The following RANBP2 variants were observed in gnomAD, a reference collection of about 807,000 sequenced individuals.
RANBP2 encodes E3 SUMO-protein ligase RanBP2.
In RANBP2, 57 loss-of-function variants were observed where a neutral mutation model predicts 303.6. The observed-to-expected ratio is 0.19, with a 90% confidence interval of 0.15 to 0.23. The LOEUF (loss-of-function observed/expected upper bound fraction) is 0.23. RANBP2 is among the 10% of genes least tolerant of loss of function. The pLI, the probability that RANBP2 is intolerant of heterozygous loss-of-function variation, is 1.00. For synonymous variants in RANBP2, 1,167 were observed against 1,301.5 expected (o/e 0.90, Z 2.23); for missense variants, 3,138 against 3,780.8 (o/e 0.83, Z 4.46).
the RANBP2 span, among the ~76,000 whole-genome samples, chr2:109,669,635 T>C: frequency 6.6e-6 from 1 of 152,334 alleles, no homozygotes; most frequent in East Asian, 1.9e-4. Flanking sequence ...TCAGGCAATG[T>C]TCCTACATTC....
At chr2:109,762,694 AACTT>A in the RANBP2 span, among the ~76,000 whole-genome samples, 7 of 98,464 alleles carry the variant, frequency 7.1e-5, no homozygotes, top group Admixed American at 4.1e-4. Context: ...AAAAAACAAA[AACTT>A]ACACGTTTTT....
the RANBP2 span, among the ~76,000 whole-genome samples, chr2:109,053,435 T>C: frequency 6.6e-6 from 1 of 152,174 alleles, no homozygotes; most frequent in South Asian, 2.1e-4. Context: ...CAGTCCCCCA[T>C]AGAAACAGAA....
the RANBP2 span, chr2:108,931,022 C>G: frequency 6.2e-7 from 1 of 1,614,048 alleles, no homozygotes; most frequent in South Asian, 1.1e-5. Context: ...CATCCTCTCC[C>G]AAGGGCTCAC....
the RANBP2 span, among the ~76,000 whole-genome samples, chr2:109,647,757 A>G: frequency 2.5e-4 from 38 of 152,090 alleles, no homozygotes; most frequent in Non-Finnish European, 5.4e-4. Flanking sequence ...GGCATGAGCC[A>G]CCCCGCCCGG....
At chr2:109,614,494 A>T in the RANBP2 span, 1 of 1,239,310 alleles carries the variant, frequency 8.1e-7, no homozygotes, top group Non-Finnish European at 1.0e-6. Flanking sequence ...TCGAGGATGG[A>T]GGGGCCGGCA....
chr2:108,722,212 ATT>A (rs1455598761), intron 1 of RANBP2, among the ~76,000 whole-genome samples: 1 of 152,172 alleles, frequency 6.6e-6, no homozygotes, highest in Non-Finnish European at 1.5e-5. Context: ...TGGTGGCAGA[ATT>A]TTGAGGATTG....
the RANBP2 span, among the ~76,000 whole-genome samples, chr2:109,436,285 C>G: frequency 1.3e-5 from 2 of 152,326 alleles, no homozygotes; most frequent in East Asian, 1.9e-4. Flanking sequence ...TGCAAATACA[C>G]AGAGGGAAAG....
the RANBP2 span, among the ~76,000 whole-genome samples, chr2:108,879,192 G>A: frequency 7.9e-5 from 12 of 152,166 alleles, no homozygotes; most frequent in African/African-American, 2.9e-4. Flanking sequence ...GACTGGTCTT[G>A]AACTCCTGAG....
At chr2:109,726,058 G>GGTGTGTGTGTGTGTGTGTGT in the RANBP2 span, among the ~76,000 whole-genome samples, 3 of 137,030 alleles carry the variant, frequency 2.2e-5, no homozygotes, top group East Asian at 2.3e-4. Flanking sequence ...TTTTGCTTTT[G>GGTGTGTGTGTGTGTGTGTGT]GTGTGTGTGT....
At chr2:109,099,453 GCT>G in the RANBP2 span, among the ~76,000 whole-genome samples, 143 of 152,242 alleles carry the variant, frequency 9.4e-4, no homozygotes, top group African/African-American at 3.3e-3. Context: ...TCTCCAAAGG[GCT>G]GGGTTTGGTT....
At chr2:109,399,052 A>G in the RANBP2 span, 1 of 1,265,044 alleles carries the variant, frequency 7.9e-7, no homozygotes, top group Non-Finnish European at 1.1e-6. Flanking sequence ...CCGCCCCAGA[A>G]CTGCCTTTTG....
At chr2:108,880,446 G>A in the RANBP2 span, among the ~76,000 whole-genome samples, 1 of 152,148 alleles carries the variant, frequency 6.6e-6, no homozygotes, top group African/African-American at 2.4e-5. Context: ...CTTTCTTAAT[G>A]GCATCCAGAA....
At position 108,719,674 on chromosome 2, in the gene RANBP2, G is replaced by A; in HGVS notation, c.68G>A (p.Arg23Gln). ...ASVQGSTPSP[R>Q]QKSMKGFYFA... ...GTGCAGGGCTCCACCCCGTCGCCTC[G>A]ACAGGTGAGTGGGTCTCGAAGAGAC... Residue 23 changes from arginine to glutamine, a missense_variant, in exon 1 of 29, where the codon CGA becomes CAA. This residue lies in a region of RANBP2 where 306 missense variants were observed against 381.9 expected (regional missense o/e 0.80). Coordinates refer to ENST00000283195, the MANE Select transcript of RANBP2 (RefSeq NM_006267.5). 1 of 1,604,912 alleles carries A rather than the reference G, an allele frequency of 6.2e-7. No individual in the cohort carries two copies. Among genetic ancestry groups the A allele is most frequent in the Non-Finnish European group, 8.5e-7 (1 of 1,176,920 alleles).
the RANBP2 span, among the ~76,000 whole-genome samples, chr2:108,893,958 T>C: frequency 1.6e-4 from 24 of 152,224 alleles, no homozygotes; most frequent in African/African-American, 5.8e-4. Flanking sequence ...CCAATACATA[T>C]CATTTTCTTT....
chr2:109,234,887 A>G, the RANBP2 span, among the ~76,000 whole-genome samples: 1 of 152,266 alleles, frequency 6.6e-6, no homozygotes, highest in East Asian at 1.9e-4. Context: ...TAAAGGATTC[A>G]GGGCAAACTA....
chr2:109,279,304 A>G, the RANBP2 span, among the ~76,000 whole-genome samples: 1 of 152,094 alleles, frequency 6.6e-6, no homozygotes, highest in Non-Finnish European at 1.5e-5. Context: ...CTGCAAAGGG[A>G]TTGCAGTGGC....
chr2:109,034,791 T>G, the RANBP2 span, among the ~76,000 whole-genome samples: 8 of 152,170 alleles, frequency 5.3e-5, no homozygotes, highest in Admixed American at 3.9e-4. Flanking sequence ...CCCTGGGGGC[T>G]TAGGTAAAAC....
chr2:108,745,687 C>T (rs1292598859), intron 7 of RANBP2, among the ~76,000 whole-genome samples: 1 of 151,648 alleles, frequency 6.6e-6, no homozygotes, highest in Non-Finnish European at 1.5e-5. Flanking sequence ...TATCCATACT[C>T]TGAAAATGTG....
At chr2:109,682,840 C>T in the RANBP2 span, among the ~76,000 whole-genome samples, 5 of 152,146 alleles carry the variant, frequency 3.3e-5, no homozygotes, top group East Asian at 5.8e-4. Flanking sequence ...AGACTGTCAA[C>T]AAGCCTGGAC....
Sources: gnomAD v4.1 joint callset for allele counts (sites outside exome capture counted in the v4.1 genomes callset) on GRCh38, gnomAD v4.1.1 for gene constraint, gnomAD v4.1.1 regional missense constraint, MANE v1.5 for transcripts, NCBI Gene and HGNC (gene_info 2026-07-23, HGNC 2026-07-21) for gene names.